The following COL4A4 variants were observed in gnomAD, a reference collection of about 807,000 sequenced individuals.
COL4A4 encodes the protein collagen type IV alpha 4 chain.
COL4A4 carries 105 observed loss-of-function variants against 192.9 expected under a neutral mutation model. The observed-to-expected ratio is 0.54, with a 90% CI of 0.46 to 0.64. The LOEUF (loss-of-function observed/expected upper bound fraction) is 0.64, where lower values mean the gene tolerates loss of function less well. Among genes scored for constraint, COL4A4 ranks in the 30% least tolerant of loss-of-function variants. COL4A4 has a pLI of 0.00. For missense variants in COL4A4, 1,967 were observed against 2,169.3 expected (o/e 0.91, Z 1.85); for synonymous variants, 762 against 769.9 (o/e 0.99, Z 0.17).
At chr2:227,105,978 A>G (rs538401703) in intron 12 of COL4A4, among the ~76,000 whole-genome samples, 45 of 152,240 alleles carry the variant, frequency 3.0e-4, no homozygotes, top group African/African-American at 1.0e-3. Context: ...AAATTCCCCA[A>G]TATATCATTA....
downstream of COL4A4, chr2:226,999,294 T>C (rs1960363674): frequency 6.6e-6 from 1 of 152,200 alleles, no homozygotes; most frequent in African/African-American, 2.4e-5. Flanking sequence ...GTCTTTTTTT[T>C]TTCCCTTGAA....
At chr2:227,099,842 G>A (rs1242899542) in intron 17 of COL4A4, among the ~76,000 whole-genome samples, 153 bp from the exon 18 acceptor site, 1 of 152,206 alleles carries the variant, frequency 6.6e-6, no homozygotes, top group East Asian at 1.9e-4. Context: ...TGGAGTCTTA[G>A]GAGCAGCAAA....
rs775370813 is a variant in COL4A4 at position 227,041,801 on chromosome 2, AAAGG to A, written c.3505+343_3505+346del. ...AAGGAAGGAAGGGAAAGAAAGAAAG[AAAGG>A]AAGAAAGAAAGAAAGAAAGAAAGAA... On this transcript the variant is annotated intron_variant, in intron 37 of 47. Transcript: ENST00000396625. 0.19 allele frequency among the ~76,000 whole-genome samples: 12,301 copies of A among 65,690 alleles called. 2,420 individuals are homozygous for A. The highest frequency in any genetic ancestry group is 0.27 in the South Asian group (416 of 1,560). 43.1% of individuals were successfully genotyped at this position (65,690 alleles called of 152,430 possible).
intron 25 of COL4A4, among the ~76,000 whole-genome samples, chr2:227,067,962 G>T (rs1559541745): frequency 7.0e-6 from 1 of 142,052 alleles, no homozygotes; most frequent in Non-Finnish European, 1.5e-5. Context: ...AAAATTGATA[G>T]ACCGCTAGCA....
intron 25 of COL4A4, among the ~76,000 whole-genome samples, chr2:227,076,728 G>A (rs2059043221): frequency 1.3e-5 from 2 of 152,154 alleles, no homozygotes; most frequent in African/African-American, 4.8e-5. Context: ...GAAAATTTAT[G>A]CAATCTACCC....
chr2:227,012,759 T>C (rs894056380), intron 44 of COL4A4, among the ~76,000 whole-genome samples: 2 of 152,208 alleles, frequency 1.3e-5, no homozygotes, highest in African/African-American at 4.8e-5. Context: ...GGGGTCACGT[T>C]AAATCTGGAG....
chr2:227,109,458 C>A, intron 9 of COL4A4, 172 bp from the exon 10 acceptor site: 1 of 718,156 alleles, frequency 1.4e-6, no homozygotes. Context: ...CCTAAAAGGG[C>A]ACCAAGCAGT....
At position 227,059,505 on chromosome 2, in the gene COL4A4, G is replaced by T; in HGVS notation, c.2283C>A (p.Asp761Glu). The T allele has an allele frequency of 1.9e-6, 3 of 1,614,052 alleles. No individual in the cohort carries two copies. The highest frequency in any genetic ancestry group is 2.5e-6 in the Non-Finnish European group (3 of 1,179,988). ...GGGGTCCCAGGTGACCAAATGCAGGGTCTCCCGGGATTCCTTTCTGACCAT... is the reference window on the plus strand; with the variant it reads ...GGGGTCCCAGGTGACCAAATGCAGGTTCTCCCGGGATTCCTTTCTGACCAT... Reference protein sequence around the residue: ...GVNGQKGIPGDPAFGHLGPPG... With the variant: ...GVNGQKGIPGEPAFGHLGPPG... Residue 761 changes from aspartate to glutamate, a missense_variant, in exon 28 of 48, where the codon GAC becomes GAA. Asp to Glu is a conservative substitution (Grantham distance 45). Coordinates refer to ENST00000396625, the MANE Select transcript of COL4A4 (RefSeq NM_000092.5).
At position 227,130,170 on chromosome 2, in the gene COL4A4, G is replaced by A. The variant is rs537124197; in HGVS notation, c.193-9022C>T. 5.9e-5 allele frequency among the ~76,000 whole-genome samples: 9 copies of A among 152,314 alleles called. 1 individual carries two copies. In the South Asian group the frequency reaches 1.4e-3, roughly 25 times the overall value. The stretch of plus-strand genomic sequence containing the variant: ...GCAGAGTGTTTTCTTGTACCTTAAA[G>A]TAACCGCACTTGTTCACAATGAAAT... On this transcript the variant is annotated intron_variant, in intron 4 of 47. Coordinates refer to ENST00000396625, the MANE Select transcript of COL4A4 (RefSeq NM_000092.5).
chr2:227,111,574 G>A (rs938308681), intron 9 of COL4A4, 104 bp downstream of exon 9: 38 of 1,245,436 alleles, frequency 3.1e-5, no homozygotes, highest in Non-Finnish European at 4.3e-5. Context: ...TTTTGCACTA[G>A]GTGAGCCGCA....
intron 44 of COL4A4, among the ~76,000 whole-genome samples, chr2:227,017,785 A>G (rs1371264509): frequency 6.6e-6 from 1 of 152,184 alleles, no homozygotes; most frequent in Non-Finnish European, 1.5e-5. Context: ...ATGAAAGAAA[A>G]GATTTTTTAA....
intron 33 of COL4A4, among the ~76,000 whole-genome samples, chr2:227,050,734 C>G (rs1316691335): frequency 6.6e-6 from 1 of 152,118 alleles, no homozygotes; most frequent in East Asian, 1.9e-4. Flanking sequence ...TGGTTTAAAC[C>G]AGGCTGGGAG....
chr2:227,017,072 C>T (rs1219216571), intron 44 of COL4A4, among the ~76,000 whole-genome samples: 1 of 152,200 alleles, frequency 6.6e-6, no homozygotes, highest in Non-Finnish European at 1.5e-5. Context: ...TCTCACCCAA[C>T]AAGATGATTC....
At chr2:227,050,846 G>C in intron 33 of COL4A4, 131 bp downstream of exon 33, 1 of 1,080,844 alleles carries the variant, frequency 9.3e-7, no homozygotes, top group Admixed American at 1.8e-5. Flanking sequence ...TTCTCCTTGA[G>C]CTACACCTTA....
chr2:227,054,634 C>T lies in COL4A4; in HGVS notation c.2820G>A (p.Met940Ile), dbSNP rs1399760920. The change falls in exon 31 of 48, where the codon ATG (methionine) becomes ATA (isoleucine). Residue 940 changes from methionine (M) to isoleucine (I), a missense_variant. Physicochemically the swap from Met to Ile is conservative, Grantham distance 10. Coordinates refer to ENST00000396625, the MANE Select transcript of COL4A4 (RefSeq NM_000092.5). ...GTCCCCGGTCTCCAGGAAGGCCAGA[C>T]ATGCCCTTCTCTCCAGGTTCTCCCT... ...GAKGEPGEKG[M>I]SGLPGDRGLR... 1 of 1,614,208 alleles carries T rather than the reference C, an allele frequency of 6.2e-7. No individual in the cohort carries two copies. The highest frequency in any genetic ancestry group is 8.5e-7 in the Non-Finnish European group (1 of 1,180,006).
Position 227,098,807 on chromosome 2 carries a change from G to T in COL4A4, c.1100-9C>A. On this transcript the variant is annotated splice_polypyrimidine_tract_variant and intron_variant, in intron 18 of 47. Coordinates refer to ENST00000396625, the MANE Select transcript of COL4A4 (RefSeq NM_000092.5). ...TGGGTCCCCTGGTGGGCCTGCCAAA[G>T]ATAATGGTACATGAGAATAAACAAA... 1 of 1,605,516 alleles carries T rather than the reference G, an allele frequency of 6.2e-7. No individual in the cohort carries two copies. Among genetic ancestry groups the T allele is most frequent in the South Asian group, 1.1e-5 (1 of 90,882 alleles).
intron 25 of COL4A4, among the ~76,000 whole-genome samples, chr2:227,067,308 C>G (rs1236235915): frequency 6.6e-6 from 1 of 152,142 alleles, no homozygotes; most frequent in South Asian, 2.1e-4. Flanking sequence ...GACAGATCAA[C>G]GAGACAGAAA....
chr2:227,132,020 AC>A (rs1350349789), intron 4 of COL4A4, among the ~76,000 whole-genome samples: 7 of 152,210 alleles, frequency 4.6e-5, no homozygotes, highest in Admixed American at 4.6e-4. Flanking sequence ...GTATTAAGCC[AC>A]CATGTATATG....
intron 1 of COL4A4, among the ~76,000 whole-genome samples, chr2:227,151,552 T>C (rs906512653): frequency 1.8e-5 from 2 of 111,756 alleles, no homozygotes; most frequent in Non-Finnish European, 4.1e-5. Context: ...AAGTTGTGAA[T>C]GAAAAAAATG....
Sources: gnomAD v4.1 joint callset for allele counts (sites outside exome capture counted in the v4.1 genomes callset) on GRCh38, gnomAD v4.1.1 for gene constraint, MANE v1.5 for transcripts, NCBI Gene and HGNC (gene_info 2026-07-23, HGNC 2026-07-21) for gene names.